Variants in GALK2 observed in about 807,000 individuals in gnomAD.
The protein encoded by GALK2 is N-acetylgalactosamine kinase.
A neutral mutation model predicts 52.4 loss-of-function variants in GALK2; 36 were observed. The observed-to-expected ratio is 0.69, with a 90% CI of 0.53 to 0.91. GALK2 has a LOEUF of 0.91. Ranked by LOEUF, GALK2 falls within the 40% of genes least tolerant of loss-of-function variation. The probability of loss-of-function intolerance (pLI) is 0.00; values close to 1 mark genes in which losing one functional copy is unlikely to be tolerated. For synonymous variants in GALK2, 176 were observed against 199.1 expected (o/e 0.88, Z 0.98); for missense variants, 579 against 559.1 (o/e 1.04, Z -0.36).
chr15:49,232,326 G>A (rs957898967), intron 3 of GALK2, among the ~76,000 whole-genome samples: 1 of 152,200 alleles, frequency 6.6e-6, no homozygotes, highest in East Asian at 1.9e-4. Flanking sequence ...ATGGGGAGCA[G>A]TGTCTTGAGC....
At chr15:49,195,801 G>C (rs1175959275) in intron 1 of GALK2, among the ~76,000 whole-genome samples, 2 of 151,362 alleles carry the variant, frequency 1.3e-5, no homozygotes, top group Non-Finnish European at 2.9e-5. Context: ...GGTTTGGCTG[G>C]TGGCAAAAGA....
chr15:49,166,247 C>G (rs2084818478), upstream of GALK2, among the ~76,000 whole-genome samples: 1 of 152,092 alleles, frequency 6.6e-6, no homozygotes, highest in East Asian at 1.9e-4. Flanking sequence ...TGCTTAGAGT[C>G]TTCGTTTTGT....
chr15:49,202,003 T>A (rs1398852248), intron 2 of GALK2, among the ~76,000 whole-genome samples: 1 of 152,050 alleles, frequency 6.6e-6, no homozygotes, highest in Non-Finnish European at 1.5e-5. Context: ...TCTTATTGTG[T>A]TATTCTCTTT....
intron 8 of GALK2, 43 bp from the exon 9 acceptor site, chr15:49,319,561 G>GTAAC: frequency 6.4e-7 from 1 of 1,561,022 alleles, no homozygotes; most frequent in Non-Finnish European, 8.8e-7. Context: ...GGGTTGTCCA[G>GTAAC]TAACTATTCC....
At chr15:49,367,381 T>A (rs2045386272) in intron 3 of GALK2, 2 of 1,322,658 alleles carry the variant, frequency 1.5e-6, no homozygotes, top group Admixed American at 5.4e-5. Context: ...ATTGAGACAT[T>A]CAGTGAAATG....
intron 1 of GALK2, among the ~76,000 whole-genome samples, chr15:49,197,995 A>G (rs2087390818): frequency 6.6e-6 from 1 of 152,124 alleles, no homozygotes; most frequent in Non-Finnish European, 1.5e-5. Context: ...TCTCAAATCC[A>G]GACAAATAAC....
rs1365809627 is a variant in GALK2, at chr15:49,328,632, G to A, written c.*473G>A. 8.9e-6 allele frequency: 14 copies of A among 1,581,078 alleles called. No individual in the cohort carries two copies. The highest frequency in any genetic ancestry group is 4.0e-5 in the African/African-American group (3 of 74,558). ...TGATGGTGATGATGATGATGATGAC[G>A]ATAGTGATGCCACACATTCTCTCTC... On this transcript the variant is annotated 3_prime_UTR_variant, in exon 10 of 10. Transcript: ENST00000560031.
chr15:49,305,494 T>C (rs1460700092), intron 8 of GALK2, among the ~76,000 whole-genome samples: 1 of 152,206 alleles, frequency 6.6e-6, no homozygotes, highest in Non-Finnish European at 1.5e-5. Flanking sequence ...AGGACTTCTC[T>C]AATATTGGGA....
At chr15:49,183,694 T>G (rs1180207122) in intron 1 of GALK2, among the ~76,000 whole-genome samples, 1 of 152,082 alleles carries the variant, frequency 6.6e-6, no homozygotes, top group Admixed American at 6.6e-5. Context: ...AAATACAAAA[T>G]TAGCCAGGCG....
At chr15:49,201,277 T>G in intron 2 of GALK2, 27 bp downstream of exon 2, 1 of 1,300,582 alleles carries the variant, frequency 7.7e-7, no homozygotes, top group Non-Finnish European at 1.1e-6. Flanking sequence ...TTCTCTTAAT[T>G]TTTTTCTTCA....
At chr15:49,156,396 T>G (rs1315975712) in intron 1 of GALK2, 2 of 424,938 alleles carry the variant, frequency 4.7e-6, no homozygotes, top group South Asian at 2.1e-5. Context: ...ATCCGCAACA[T>G]GAAGCCCTCT....
At chr15:49,352,038 G>A (rs542858951) in intron 3 of GALK2, among the ~76,000 whole-genome samples, 1 of 152,302 alleles carries the variant, frequency 6.6e-6, no homozygotes, top group Admixed American at 6.5e-5. Context: ...GTTGTTGACT[G>A]GGACTGGAGC....
At chr15:49,208,007 A>G (rs2088460102) in intron 2 of GALK2, among the ~76,000 whole-genome samples, 1 of 152,288 alleles carries the variant, frequency 6.6e-6, no homozygotes, top group Non-Finnish European at 1.5e-5. Flanking sequence ...TCCTGACCTC[A>G]GGTGGTCCAC....
intron 8 of GALK2, chr15:49,318,954 CT>C (rs35217317): frequency 0.12 from 42,059 of 351,122 alleles, 2 homozygotes; most frequent in South Asian, 0.17. Flanking sequence ...TTCTTTCTTT[CT>C]TTTTTTTTTT....
At chr15:49,211,884 T>C (rs2088928874) in intron 2 of GALK2, among the ~76,000 whole-genome samples, 1 of 152,170 alleles carries the variant, frequency 6.6e-6, no homozygotes, top group Non-Finnish European at 1.5e-5. Context: ...CATTAGGTAT[T>C]ACATTTCACC....
intron 8 of GALK2, among the ~76,000 whole-genome samples, chr15:49,314,810 A>T (rs1340077779): frequency 6.6e-6 from 1 of 152,234 alleles, no homozygotes; most frequent in Non-Finnish European, 1.5e-5. Context: ...GGGCTACTCC[A>T]GATTGGAGTT....
At chr15:49,244,771 A>G (rs186008373) in intron 5 of GALK2, among the ~76,000 whole-genome samples, 3 of 152,290 alleles carry the variant, frequency 2.0e-5, no homozygotes, top group South Asian at 2.1e-4. Context: ...AACACCCATA[A>G]TATCCAGCAG....
At chr15:49,294,034 A>T (rs1402382327) in intron 8 of GALK2, among the ~76,000 whole-genome samples, 2 of 151,778 alleles carry the variant, frequency 1.3e-5, no homozygotes, top group Admixed American at 6.6e-5. Context: ...CAGGAGACAG[A>T]GGTTGCAGTA....
chr15:49,265,053 C>T (rs1001927481), intron 5 of GALK2, among the ~76,000 whole-genome samples: 17 of 152,158 alleles, frequency 1.1e-4, no homozygotes, highest in African/African-American at 3.6e-4. Context: ...AGGCAGTCTG[C>T]CCATTCTCAG....
Sources: gnomAD v4.1 joint callset for allele counts (sites outside exome capture counted in the v4.1 genomes callset) on GRCh38, gnomAD v4.1.1 for gene constraint, MANE v1.5 for transcripts, NCBI Gene and HGNC (gene_info 2026-07-23, HGNC 2026-07-21) for gene names.